The following CFAP299 variants were observed in gnomAD, a reference collection of about 807,000 sequenced individuals.
CFAP299 encodes cilia- and flagella-associated protein 299.
CFAP299 carries 21 observed loss-of-function variants against 27.0 expected under a neutral mutation model. That is an observed-to-expected ratio of 0.78 (90% confidence interval 0.55 to 1.12). The LOEUF (loss-of-function observed/expected upper bound fraction) is 1.12, where lower values mean the gene tolerates loss of function less well. Ranked by LOEUF, CFAP299 falls within the 50% of genes most tolerant of loss-of-function variation. The probability of loss-of-function intolerance (pLI) is 0.00; values close to 1 mark genes in which losing one functional copy is unlikely to be tolerated. For synonymous variants in CFAP299, 104 were observed against 98.1 expected (o/e 1.06, Z -0.36); for missense variants, 310 against 276.6 (o/e 1.12, Z -0.86).
At chr4:80,676,604 T>G (rs1221822257) in intron 3 of CFAP299, among the ~76,000 whole-genome samples, 1 of 152,120 alleles carries the variant, frequency 6.6e-6, no homozygotes, top group Non-Finnish European at 1.5e-5. Flanking sequence ...GAGGAAAGAC[T>G]TTTTTATTAT....
At chr4:80,425,862 G>C (rs752305371) in intron 2 of CFAP299, among the ~76,000 whole-genome samples, 11 of 152,180 alleles carry the variant, frequency 7.2e-5, no homozygotes, top group Non-Finnish European at 1.5e-4. Flanking sequence ...TTATAGTCTT[G>C]TGTAAAAATA....
chr4:80,400,339 G>A (rs2110048546), intron 2 of CFAP299, among the ~76,000 whole-genome samples: 2 of 152,188 alleles, frequency 1.3e-5, no homozygotes, highest in Admixed American at 1.3e-4. Flanking sequence ...CACAAATGGG[G>A]AAACTGAGTT....
chr4:80,364,089 A>AACACACACACCCACACCCACAC (rs371907109), intron 2 of CFAP299, among the ~76,000 whole-genome samples: 2 of 110,844 alleles, frequency 1.8e-5, no homozygotes, highest in African/African-American at 7.7e-5. Flanking sequence ...TCCGTCTCAA[A>AACACACACACCCACACCCACAC]ACACACACAC....
chr4:80,514,944 G>T (rs1334759357), intron 2 of CFAP299, among the ~76,000 whole-genome samples: 1 of 151,934 alleles, frequency 6.6e-6, no homozygotes, highest in Non-Finnish European at 1.5e-5. Context: ...AATTCAAAGA[G>T]TACAAAATAT....
intron 3 of CFAP299, among the ~76,000 whole-genome samples, chr4:80,818,215 G>T (rs978857901): frequency 8.5e-5 from 13 of 152,248 alleles, no homozygotes; most frequent in African/African-American, 3.1e-4. Flanking sequence ...GTATTCCGTG[G>T]TGTATAGATT....
chr4:80,517,329 G>A lies in CFAP299; in HGVS notation c.243-65764G>A, dbSNP rs545751133. On this transcript the variant is annotated intron_variant, in intron 2 of 5. Coordinates refer to ENST00000358105, the MANE Select transcript of CFAP299 (RefSeq NM_152770.3). The stretch of plus-strand genomic sequence containing the variant: ...GAGCATGTTGAAATGCTGGTCAGAA[G>A]CCTCCTAAAGAAAGAAATAGAGGTA... 5.3e-5 allele frequency among the ~76,000 whole-genome samples: 8 copies of A among 152,272 alleles called. No individual in the cohort carries two copies. The South Asian group carries it at 8.3e-4, about 16-fold the overall frequency.
chr4:80,955,915 A>T (rs564565649), intron 5 of CFAP299, among the ~76,000 whole-genome samples: 1 of 152,246 alleles, frequency 6.6e-6, no homozygotes, highest in South Asian at 2.1e-4. Context: ...CAGAAAAATC[A>T]CTTGAACCTG....
intron 2 of CFAP299, among the ~76,000 whole-genome samples, chr4:80,407,307 C>A (rs1408345389): frequency 6.6e-6 from 1 of 152,144 alleles, no homozygotes; most frequent in Non-Finnish European, 1.5e-5. Flanking sequence ...AAAACAACCA[C>A]CATTTATTCA....
intron 4 of CFAP299, among the ~76,000 whole-genome samples, chr4:80,928,854 A>C (rs911433046): frequency 6.6e-6 from 1 of 152,060 alleles, no homozygotes; most frequent in Non-Finnish European, 1.5e-5. Flanking sequence ...GTATCTTCCC[A>C]TTATTTTTTC....
chr4:80,914,060 A>G (rs1053639655), intron 4 of CFAP299, among the ~76,000 whole-genome samples: 3 of 152,166 alleles, frequency 2.0e-5, no homozygotes, highest in Non-Finnish European at 4.4e-5. Context: ...CTATTCCACT[A>G]TAAAGATATG....
intron 3 of CFAP299, among the ~76,000 whole-genome samples, chr4:80,811,758 C>G (rs13114518): frequency 0.1 from 15,468 of 151,968 alleles, 930 homozygotes; most frequent in Middle Eastern, 0.21. Context: ...ACACTTGAGA[C>G]GTGGGGAGGT....
intron 3 of CFAP299, among the ~76,000 whole-genome samples, chr4:80,641,266 A>G (rs916995693): frequency 4.0e-4 from 61 of 152,238 alleles, no homozygotes; most frequent in Non-Finnish European, 7.8e-4. Context: ...GTACAGTGGC[A>G]TGATCTCAGC....
intron 3 of CFAP299, among the ~76,000 whole-genome samples, chr4:80,761,774 T>C (rs1725552192): frequency 1.3e-5 from 2 of 152,048 alleles, no homozygotes; most frequent in Non-Finnish European, 2.9e-5. Context: ...TAAACTCCAA[T>C]CAGATTTCTC....
intron 3 of CFAP299, among the ~76,000 whole-genome samples, chr4:80,782,706 T>TG (rs1726989621): frequency 7.5e-6 from 1 of 133,584 alleles, no homozygotes; most frequent in African/African-American, 2.8e-5. Flanking sequence ...TATTCATATA[T>TG]AATATACATA....
chr4:80,410,715 A>G (rs1354390276), intron 2 of CFAP299, among the ~76,000 whole-genome samples: 1 of 152,236 alleles, frequency 6.6e-6, no homozygotes, highest in African/African-American at 2.4e-5. Flanking sequence ...TGCATTAATT[A>G]TCTCACTTAT....
In CFAP299 at chr4:80,605,236, C is replaced by G. The variant is rs530591962; in HGVS notation, c.333+22053C>G. Among the ~76,000 whole-genome samples the G allele has an allele frequency of 2.6e-5, 4 of 152,254 alleles. No individual in the cohort carries two copies. In the South Asian group the frequency reaches 6.2e-4, roughly 24 times the overall value. ...GATGATTTTCATTGAAGAAATACTT[C>G]TGGTGCAGATAAATTTTCTTTTGAA... On this transcript the variant is annotated intron_variant, in intron 3 of 5. Coordinates refer to ENST00000358105, the MANE Select transcript of CFAP299 (RefSeq NM_152770.3).
chr4:80,357,496 T>A (rs1216483355), intron 1 of CFAP299, among the ~76,000 whole-genome samples: 1 of 152,218 alleles, frequency 6.6e-6, no homozygotes, highest in Admixed American at 6.5e-5. Context: ...GGCTATTTAT[T>A]ACTGACTCAA....
intron 3 of CFAP299, among the ~76,000 whole-genome samples, chr4:80,599,731 A>C (rs1737231850): frequency 6.6e-6 from 1 of 152,098 alleles, no homozygotes; most frequent in Non-Finnish European, 1.5e-5. Flanking sequence ...CTGATCTTGT[A>C]GGATACTACT....
At chr4:80,814,671 T>A (rs1235282509) in intron 3 of CFAP299, among the ~76,000 whole-genome samples, 1 of 151,938 alleles carries the variant, frequency 6.6e-6, no homozygotes, top group Non-Finnish European at 1.5e-5. Context: ...TATTTTTACT[T>A]GCTTTCAGCT....
Sources: gnomAD v4.1 joint callset for allele counts (sites outside exome capture counted in the v4.1 genomes callset) on GRCh38, gnomAD v4.1.1 for gene constraint, MANE v1.5 for transcripts, NCBI Gene and HGNC (gene_info 2026-07-23, HGNC 2026-07-21) for gene names.